The following NKAIN2 variants were observed in gnomAD, a reference collection of about 807,000 sequenced individuals.
NKAIN2 encodes the protein sodium/potassium transporting ATPase interacting 2.
Under a neutral mutation model 32.6 loss-of-function variants are expected in NKAIN2, and 14 were observed. The ratio of observed to expected loss-of-function variants is 0.43; its 90% CI spans 0.28 to 0.67. The LOEUF is 0.67. Ranked by LOEUF, NKAIN2 falls within the 30% of genes least tolerant of loss-of-function variation. The pLI, the probability that NKAIN2 is intolerant of heterozygous loss-of-function variation, is 0.17. For missense variants in NKAIN2, 198 were observed against 258.3 expected (o/e 0.77, Z 1.60); for synonymous variants, 80 against 87.2 (o/e 0.92, Z 0.46).
chr6:123,813,981 C>G (rs1773589503), intron 1 of NKAIN2, among the ~76,000 whole-genome samples: 1 of 151,742 alleles, frequency 6.6e-6, no homozygotes, highest in South Asian at 2.1e-4. Context: ...TGTTTCTTAC[C>G]CTTATCAACA....
At chr6:124,718,309 C>T (rs1006376023) in intron 4 of NKAIN2, among the ~76,000 whole-genome samples, 4 of 152,168 alleles carry the variant, frequency 2.6e-5, no homozygotes, top group Admixed American at 6.6e-5. Flanking sequence ...CTGTGCTTTT[C>T]GTCTGAGTGC....
At chr6:124,658,162 T>A in intron 3 of NKAIN2, 24 bp from the exon 4 acceptor site, 1 of 1,535,204 alleles carries the variant, frequency 6.5e-7, no homozygotes, top group Non-Finnish European at 8.9e-7. Context: ...GTAATTCTCA[T>A]CCTTGTAAAT....
intron 1 of NKAIN2, among the ~76,000 whole-genome samples, chr6:123,871,626 CTT>C (rs1419236225): frequency 6.6e-6 from 1 of 152,166 alleles, no homozygotes; most frequent in Non-Finnish European, 1.5e-5. Flanking sequence ...TATTTGGACA[CTT>C]TTCACATCTG....
At chr6:124,506,419 A>G (rs1185632407) in intron 3 of NKAIN2, among the ~76,000 whole-genome samples, 1 of 152,190 alleles carries the variant, frequency 6.6e-6, no homozygotes, top group Non-Finnish European at 1.5e-5. Flanking sequence ...GCACCTTAAA[A>G]CGCAGTCTCT....
At chr6:124,523,015 C>T (rs1187279603) in intron 3 of NKAIN2, among the ~76,000 whole-genome samples, 5 of 129,496 alleles carry the variant, frequency 3.9e-5, no homozygotes, top group South Asian at 5.7e-4. Context: ...TAGTGGCGGG[C>T]GCCTGTAGTC....
chr6:124,732,250 G>A (rs931444389), intron 4 of NKAIN2, among the ~76,000 whole-genome samples: 7 of 151,972 alleles, frequency 4.6e-5, no homozygotes, highest in African/African-American at 1.7e-4. Context: ...TTATTTCTGG[G>A]GATTGCAAAT....
chr6:124,524,529 C>T (rs1263763348), intron 3 of NKAIN2, among the ~76,000 whole-genome samples: 4 of 152,074 alleles, frequency 2.6e-5, no homozygotes, highest in Non-Finnish European at 4.4e-5. Flanking sequence ...TTTCTAGCTA[C>T]TAATATATGT....
chr6:124,591,888 T>A (rs1781926952), intron 3 of NKAIN2, among the ~76,000 whole-genome samples: 1 of 152,020 alleles, frequency 6.6e-6, no homozygotes, highest in Admixed American at 6.6e-5. Context: ...AGTGGAGCAG[T>A]AGAGAGAAGA....
In NKAIN2 at chr6:124,823,379, G is replaced by GACACAC. The variant is rs3831017; in HGVS notation, c.*165_*170dup. Reference sequence around the variant, plus strand: ...ATGCAAAGCCTCTACATACAACACTGACACACACACACACACACACGTGAG... The same window carrying GACACAC: ...ATGCAAAGCCTCTACATACAACACTGACACACACACACACACACACACACACGTGAG... On this transcript the variant is annotated 3_prime_UTR_variant, in exon 7 of 7. Coordinates refer to ENST00000368417, the MANE Select transcript of NKAIN2 (RefSeq NM_001040214.3). The GACACAC allele has an allele frequency of 1.9e-6, 1 of 523,740 alleles. No homozygotes were observed. Among genetic ancestry groups the GACACAC allele is most frequent in the African/African-American group, 2.0e-5 (1 of 51,058 alleles). 32.4% of individuals were successfully genotyped at this position (523,740 alleles called of 1,614,324 possible). A position where few individuals can be genotyped will look rare whatever the true frequency, so the allele number is the denominator to read the frequency against.
At chr6:124,270,862 A>G (rs1794728246) in intron 1 of NKAIN2, among the ~76,000 whole-genome samples, 2 of 152,210 alleles carry the variant, frequency 1.3e-5, no homozygotes, top group Non-Finnish European at 2.9e-5. Context: ...AAAGACTGTC[A>G]TTTGAACAGC....
chr6:124,290,554 G>GAA (rs796894560), intron 2 of NKAIN2, among the ~76,000 whole-genome samples: 2 of 149,122 alleles, frequency 1.3e-5, no homozygotes, highest in Non-Finnish European at 1.5e-5. Context: ...GTGTGTGTGC[G>GAA]TCTGTGTTGC....
At chr6:124,062,121 A>T (rs995109849) in intron 1 of NKAIN2, among the ~76,000 whole-genome samples, 1 of 152,208 alleles carries the variant, frequency 6.6e-6, no homozygotes, top group Non-Finnish European at 1.5e-5. Flanking sequence ...ACGTAAATAT[A>T]AATAAAAACT....
intron 3 of NKAIN2, among the ~76,000 whole-genome samples, chr6:124,570,194 A>G (rs951472904): frequency 2.5e-4 from 38 of 152,312 alleles, no homozygotes; most frequent in Middle Eastern, 6.8e-3. Flanking sequence ...GGTGCTGTTA[A>G]AAGTATTCCA....
chr6:124,622,417 T>C (rs945972970), intron 3 of NKAIN2, among the ~76,000 whole-genome samples: 4 of 152,172 alleles, frequency 2.6e-5, no homozygotes, highest in Non-Finnish European at 5.9e-5. Flanking sequence ...TCAAGTGCTT[T>C]GGTCTCCATC....
chr6:124,351,685 G>A (rs901728344), intron 2 of NKAIN2, among the ~76,000 whole-genome samples: 14 of 151,936 alleles, frequency 9.2e-5, no homozygotes, highest in Middle Eastern at 3.4e-3. Flanking sequence ...GAAGTGGTGC[G>A]ATCTTGGCTC....
At chr6:124,602,057 C>A (rs1782327919) in intron 3 of NKAIN2, among the ~76,000 whole-genome samples, 1 of 151,992 alleles carries the variant, frequency 6.6e-6, no homozygotes. Context: ...CTAAATCTGT[C>A]CATTAGCTAC....
intron 4 of NKAIN2, among the ~76,000 whole-genome samples, chr6:124,710,162 G>A (rs1037198485): frequency 9.9e-5 from 15 of 151,662 alleles, no homozygotes; most frequent in African/African-American, 3.6e-4. Flanking sequence ...TCTTAATCCT[G>A]AGTTCTAGTT....
rs1276690885 is a variant in NKAIN2 at position 124,186,142 on chromosome 6, A to G, written c.55-96863A>G. ...ACAAAAAATAAAAAAAAGAAAAGAAAGGAAGGAAGGAAGGGAGGGAGGGAG... is the reference window on the plus strand; with the variant it reads ...ACAAAAAATAAAAAAAAGAAAAGAAGGGAAGGAAGGAAGGGAGGGAGGGAG... On this transcript the variant is annotated intron_variant, in intron 1 of 6. Coordinates refer to ENST00000368417, the MANE Select transcript of NKAIN2 (RefSeq NM_001040214.3). Among the ~76,000 whole-genome samples the G allele has an allele frequency of 2.2e-5, 3 of 133,626 alleles. No homozygotes were observed. The East Asian group carries it at 7.6e-4, about 34-fold the overall frequency. 87.7% of individuals were successfully genotyped at this position (133,626 alleles called of 152,430 possible).
intron 1 of NKAIN2, among the ~76,000 whole-genome samples, chr6:123,812,680 C>T (rs1490094550): frequency 6.6e-6 from 1 of 152,192 alleles, no homozygotes. Flanking sequence ...CTGTATCCTA[C>T]ATCTCTAGGC....
Sources: allele counts gnomAD v4.1 joint callset (sites outside exome capture counted in the v4.1 genomes callset), GRCh38; gene constraint gnomAD v4.1.1; transcripts MANE v1.5; gene names NCBI Gene and HGNC (gene_info 2026-07-23, HGNC 2026-07-21).